The following SEPTIN4 variants were observed in gnomAD, a reference collection of about 807,000 sequenced individuals.
SEPTIN4 encodes the protein septin-4.
In SEPTIN4, 52 loss-of-function variants were observed where a neutral mutation model predicts 107.1. That is an observed-to-expected ratio of 0.49 (90% CI 0.39 to 0.61). The LOEUF (loss-of-function observed/expected upper bound fraction) is 0.61. SEPTIN4 is among the 20% of genes least tolerant of loss of function. The probability of loss-of-function intolerance (pLI) is 0.00; values close to 1 mark genes in which losing one functional copy is unlikely to be tolerated. For missense variants in SEPTIN4, 1,048 were observed against 1,243.5 expected, an observed-to-expected ratio of 0.84 and a Z score of 2.36; for synonymous variants, 417 against 467.0, an observed-to-expected ratio of 0.89 and a Z score of 1.38.
At chr17:58,522,352 G>C (rs1382628215) in intron 7 of SEPTIN4, among the ~76,000 whole-genome samples, 2 of 152,226 alleles carry the variant, frequency 1.3e-5, no homozygotes, top group Admixed American at 1.3e-4. Flanking sequence ...AAAGGGCCCA[G>C]GTGATCAAAC....
intron 3 of SEPTIN4, chr17:58,527,870 A>T: frequency 1.0e-6 from 1 of 985,752 alleles, no homozygotes; most frequent in Non-Finnish European, 1.2e-6. Context: ...CCTGGCCTGA[A>T]CCATGACCCA....
intron 13 of SEPTIN4, 74 bp downstream of exon 13, chr17:58,520,669 C>T (rs748500418): frequency 6.3e-7 from 1 of 1,589,136 alleles, no homozygotes; most frequent in East Asian, 2.2e-5. Flanking sequence ...AGGGATCTTT[C>T]TATTACCAAA....
chr17:58,531,681 G>A (rs1175488438), intron 3 of SEPTIN4: 1 of 200,812 alleles, frequency 5.0e-6, no homozygotes, highest in Non-Finnish European at 9.8e-6. Context: ...TCCACCAGCG[G>A]GCACCTCCCT....
chr17:58,528,989 C>T, intron 3 of SEPTIN4: 2 of 1,155,454 alleles, frequency 1.7e-6, no homozygotes, highest in East Asian at 2.5e-5. Flanking sequence ...TCCTCACCTC[C>T]TGCCTGTCCA....
intron 3 of SEPTIN4, among the ~76,000 whole-genome samples, chr17:58,529,626 C>G (rs2043287403): frequency 6.6e-6 from 1 of 152,186 alleles, no homozygotes; most frequent in Non-Finnish European, 1.5e-5. Flanking sequence ...CCCAAGTGAC[C>G]TGGCCCATCA....
chr17:58,526,702 C>G lies in SEPTIN4; in HGVS notation c.1891G>C (p.Asp631His). Residue 631 changes from aspartate to histidine, a missense_variant, in exon 4 of 14, where the codon GAT becomes CAT. This residue lies in a region of SEPTIN4 where 787 missense variants were observed against 871.8 expected (regional missense o/e 0.90). Transcript: ENST00000672673. The stretch of plus-strand genomic sequence containing the variant: ...TCTACCTCAGAGGAATCATAGGGAT[C>G]AAGCTTGCCCCATGGGCTGCGGGGC... ...ARPRSPWGKL[D>H]PYDSSEDDKE... The G allele has an allele frequency of 6.3e-7, 1 of 1,587,074 alleles. No individual in the cohort carries two copies. The highest frequency in any genetic ancestry group is 1.1e-5 in the South Asian group (1 of 87,336).
Position 58,525,051 on chromosome 17 carries a change from G to C in SEPTIN4, c.2216+27C>G, listed in dbSNP as rs567724326. On this transcript the variant is annotated intron_variant, in intron 7 of 13. Transcript: ENST00000672673. ...TATGGAGAAGGGTGGCTCAGGGGCA[G>C]CTGGGATTGTGCTTACTCAGACATA... 52 of 1,613,916 alleles carry C rather than the reference G, an allele frequency of 3.2e-5. No homozygotes were observed. In the South Asian group the frequency reaches 5.5e-4, roughly 17 times the overall value.
At chr17:58,540,609 T>G in intron 3 of SEPTIN4, 57 bp downstream of exon 3, 2 of 1,294,082 alleles carry the variant, frequency 1.5e-6, no homozygotes, top group Non-Finnish European at 2.0e-6. Context: ...GGAGATGGAT[T>G]TGGATTGTGG....
intron 5 of SEPTIN4, 89 bp from the exon 6 acceptor site, chr17:58,525,870 T>G: frequency 8.9e-7 from 1 of 1,125,128 alleles, no homozygotes; most frequent in South Asian, 1.3e-5. Context: ...TAGGGGGGAC[T>G]GCTTTCTTAT....
At chr17:58,534,793 G>A (rs1041323254) in intron 3 of SEPTIN4, among the ~76,000 whole-genome samples, 1 of 152,182 alleles carries the variant, frequency 6.6e-6, no homozygotes, top group South Asian at 2.1e-4. Flanking sequence ...GATATGTCCT[G>A]GCCCCCTCCA....
intron 5 of SEPTIN4, 103 bp downstream of exon 5, chr17:58,526,117 G>A (rs2042836838): frequency 2.5e-6 from 3 of 1,177,966 alleles, no homozygotes; most frequent in East Asian, 5.8e-5. Context: ...ACAGCCACTC[G>A]CTGCTTGCTC....
intron 3 of SEPTIN4, among the ~76,000 whole-genome samples, chr17:58,536,272 A>G (rs1270795892): frequency 6.6e-6 from 1 of 152,212 alleles, no homozygotes; most frequent in Non-Finnish European, 1.5e-5. Flanking sequence ...TGCACTTAAC[A>G]TGATCACTAA....
Position 58,525,724 on chromosome 17 carries a change from T to A in SEPTIN4, c.2063A>T (p.Tyr688Phe), listed in dbSNP as rs1567959517. 2 of 1,614,060 alleles carry A rather than the reference T, an allele frequency of 1.2e-6. No individual in the cohort carries two copies. Among genetic ancestry groups the A allele is most frequent in the African/African-American group, 1.3e-5 (1 of 74,998 alleles). ...AGCACCAAGAAGTTTCCGGTCCCGG[T>A]ACAGATCAGTGAGGAAGAGGCTATT... Reference protein sequence around the residue: ...LVNSLFLTDLYRDRKLLGAEE... With the variant: ...LVNSLFLTDLFRDRKLLGAEE... Residue 688 changes from tyrosine to phenylalanine, a missense_variant, in exon 6 of 14, where the codon TAC becomes TTC. Tyr to Phe is a conservative substitution (Grantham distance 22, BLOSUM62 3). Around this residue, in one of 2 missense-constraint regions of SEPTIN4, gnomAD observed 787 missense variants for 871.8 expected, o/e 0.90. Coordinates refer to ENST00000672673, the MANE Select transcript of SEPTIN4 (RefSeq NM_001368771.2).
At chr17:58,539,279 CT>C in intron 3 of SEPTIN4, 1 of 994,892 alleles carries the variant, frequency 1.0e-6, no homozygotes, top group Non-Finnish European at 1.4e-6. Context: ...TTTTGACTTC[CT>C]AAACTAAAAC....
At chr17:58,529,337 G>A (rs1015145553) in intron 3 of SEPTIN4, 2 of 1,482,748 alleles carry the variant, frequency 1.3e-6, no homozygotes, top group Non-Finnish European at 1.8e-6. Flanking sequence ...CTCTGGCAGG[G>A]GCCAAAAAAG....
intron 4 of SEPTIN4, 117 bp downstream of exon 4, chr17:58,526,565 C>CACACAA: frequency 7.1e-7 from 1 of 1,410,616 alleles, no homozygotes; most frequent in Non-Finnish European, 9.2e-7. Flanking sequence ...CAGATACACA[C>CACACAA]ACACACAAAC....
At chr17:58,542,140 C>A (rs376842030) in intron 1 of SEPTIN4, among the ~76,000 whole-genome samples, 174 bp from the exon 2 acceptor site, 5 of 152,192 alleles carry the variant, frequency 3.3e-5, no homozygotes, top group Admixed American at 3.3e-4. Context: ...TATTCCCACT[C>A]TCCCTTTCTC....
Position 58,544,230 on chromosome 17 carries a change from C to A in SEPTIN4, c.-44G>T. The A allele has an allele frequency of 6.4e-7, 1 of 1,553,896 alleles. No individual in the cohort carries two copies. Among genetic ancestry groups the A allele is most frequent in the Non-Finnish European group, 8.7e-7 (1 of 1,151,718 alleles). ...CTGAGTAGATCCCGTATTTTACTGG[C>A]TGGCTTGTATTCAGGATCCTAATGA... On this transcript the variant is annotated 5_prime_UTR_variant, in exon 1 of 14. Transcript: ENST00000672673.
intron 3 of SEPTIN4, among the ~76,000 whole-genome samples, chr17:58,534,070 C>G (rs2043628148): frequency 6.6e-6 from 1 of 152,216 alleles, no homozygotes; most frequent in Non-Finnish European, 1.5e-5. Flanking sequence ...ACCTGCTGCC[C>G]AGGCAGCAGG....
Sources: allele counts gnomAD v4.1 joint callset (sites outside exome capture counted in the v4.1 genomes callset), GRCh38; gene constraint gnomAD v4.1.1; regional missense constraint gnomAD v4.1.1; transcripts MANE v1.5; gene names NCBI Gene and HGNC (gene_info 2026-07-23, HGNC 2026-07-21).